The following NTNG1 variants were observed in gnomAD, a reference collection of about 807,000 sequenced individuals.
NTNG1 encodes the protein netrin G1, also known as netrin-G1.
A neutral mutation model predicts 54.0 loss-of-function variants in NTNG1; 16 were observed. That is an observed-to-expected ratio of 0.30 (90% CI 0.20 to 0.45). The LOEUF (loss-of-function observed/expected upper bound fraction) is 0.45. Ranked by LOEUF, NTNG1 falls within the 20% of genes least tolerant of loss-of-function variation. NTNG1 has a pLI of 1.00. For synonymous variants in NTNG1, 255 were observed against 263.1 expected (o/e 0.97, Z 0.30); for missense variants, 530 against 678.7 (o/e 0.78, Z 2.43).
Position 107,360,044 on chromosome 1 carries a change from G to A in NTNG1, c.888-35110G>A, listed in dbSNP as rs182890847. Among the ~76,000 whole-genome samples the A allele has an allele frequency of 1.8e-4, 27 of 152,198 alleles. No homozygotes were observed. In the East Asian group the frequency reaches 3.5e-3, roughly 20 times the overall value. ...AAGCCTAAACTGTTCACACATGGTT[G>A]CTGCTCCCGCCACACCCTGTTGTCT... On this transcript the variant is annotated intron_variant, in intron 3 of 7. Transcript: ENST00000370068.
chr1:107,415,282 A>AAG (rs1674119419), intron 5 of NTNG1, among the ~76,000 whole-genome samples: 1 of 152,182 alleles, frequency 6.6e-6, no homozygotes, highest in Admixed American at 6.5e-5. Context: ...CAACAGTCAA[A>AAG]AGGTCCATAG....
At chr1:107,199,485 T>C (rs1658576177) in intron 2 of NTNG1, among the ~76,000 whole-genome samples, 4 of 151,934 alleles carry the variant, frequency 2.6e-5, no homozygotes, top group Admixed American at 2.6e-4. Flanking sequence ...ATTAAAAATA[T>C]GTACTGGATA....
intron 3 of NTNG1, among the ~76,000 whole-genome samples, chr1:107,384,005 C>A (rs1456747601): frequency 6.6e-6 from 1 of 152,130 alleles, no homozygotes; most frequent in Non-Finnish European, 1.5e-5. Flanking sequence ...TTGTGGAGAA[C>A]GGTTGCAATC....
intron 2 of NTNG1, among the ~76,000 whole-genome samples, chr1:107,165,454 A>C (rs1219268658): frequency 6.6e-6 from 1 of 152,182 alleles, no homozygotes; most frequent in Admixed American, 6.5e-5. Context: ...ATTAAAGAGC[A>C]AGTTTTCTTA....
At chr1:107,189,157 G>C (rs1165655735) in intron 2 of NTNG1, among the ~76,000 whole-genome samples, 1 of 151,798 alleles carries the variant, frequency 6.6e-6, no homozygotes, top group Non-Finnish European at 1.5e-5. Context: ...TTCAAGACTA[G>C]CCTGGCCACG....
intron 2 of NTNG1, among the ~76,000 whole-genome samples, chr1:107,310,975 G>C (rs777614965): frequency 1.3e-5 from 2 of 152,064 alleles, no homozygotes; most frequent in African/African-American, 4.8e-5. Context: ...AGCTTATAAT[G>C]AATCAACCTC....
At chr1:107,221,025 G>T (rs1343484840) in intron 2 of NTNG1, among the ~76,000 whole-genome samples, 1 of 151,870 alleles carries the variant, frequency 6.6e-6, no homozygotes, top group Non-Finnish European at 1.5e-5. Context: ...TCTAAGCCTG[G>T]CAAACTTTGT....
At chr1:107,343,733 C>T (rs1669060943) in intron 3 of NTNG1, among the ~76,000 whole-genome samples, 1 of 152,054 alleles carries the variant, frequency 6.6e-6, no homozygotes, top group Non-Finnish European at 1.5e-5. Flanking sequence ...GCAATAGAGG[C>T]TTTTTATTTG....
intron 5 of NTNG1, among the ~76,000 whole-genome samples, chr1:107,414,704 G>A (rs560767994): frequency 1.4e-3 from 216 of 152,176 alleles, no homozygotes; most frequent in Non-Finnish European, 1.9e-3. Context: ...AACAGCAACC[G>A]CAAATAGAAT....
chr1:107,164,958 G>C (rs1394048435), intron 2 of NTNG1, among the ~76,000 whole-genome samples: 1 of 152,092 alleles, frequency 6.6e-6, no homozygotes, highest in Non-Finnish European at 1.5e-5. Flanking sequence ...GGGTTGGACC[G>C]CACAGTCTAA....
At chr1:107,358,794 T>C (rs1167606945) in intron 3 of NTNG1, among the ~76,000 whole-genome samples, 1 of 152,180 alleles carries the variant, frequency 6.6e-6, no homozygotes, top group Non-Finnish European at 1.5e-5. Context: ...CACCCTGCTG[T>C]GAGGACAGCT....
In NTNG1 at chr1:107,479,474, C is replaced by A. The variant is rs532611306; in HGVS notation, c.1391-1137C>A. On this transcript the variant is annotated intron_variant, in intron 7 of 7. Transcript: ENST00000370068. Reference sequence around the variant, plus strand: ...TGTGGCATCCCTGGGGAAATTTCACCATGACATTTTTAAAAATGGAAAATG... The same window carrying A: ...TGTGGCATCCCTGGGGAAATTTCACAATGACATTTTTAAAAATGGAAAATG... Among the ~76,000 whole-genome samples the A allele has an allele frequency of 3.1e-3, 445 of 144,682 alleles. 4 individuals carry two copies. Among genetic ancestry groups the A allele is most frequent in the African/African-American group, 0.012 (430 of 37,338 alleles). 94.9% of individuals were successfully genotyped at this position (144,682 alleles called of 152,430 possible). A position where few individuals can be genotyped will look rare whatever the true frequency, so the allele number is the denominator to read the frequency against.
chr1:107,352,700 A>G (rs147491615), intron 3 of NTNG1, among the ~76,000 whole-genome samples: 111 of 152,374 alleles, frequency 7.3e-4, no homozygotes, highest in African/African-American at 2.4e-3. Flanking sequence ...AATAAGCTTT[A>G]AGGTGTGGAT....
At chr1:107,464,752 C>CGGAAGG (rs1677497206) in intron 7 of NTNG1, among the ~76,000 whole-genome samples, 1 of 152,148 alleles carries the variant, frequency 6.6e-6, no homozygotes, top group Admixed American at 6.5e-5. Flanking sequence ...AATCTGCCTT[C>CGGAAGG]CACCCTCCTG....
intron 4 of NTNG1, among the ~76,000 whole-genome samples, chr1:107,401,714 T>G (rs571019368): frequency 5.3e-5 from 8 of 151,190 alleles, no homozygotes; most frequent in Admixed American, 3.3e-4. Context: ...ATTTGAGGGC[T>G]GAATAATAAA....
chr1:107,392,359 G>A (rs543227608), intron 3 of NTNG1, among the ~76,000 whole-genome samples: 9 of 152,116 alleles, frequency 5.9e-5, no homozygotes, highest in South Asian at 2.1e-4. Context: ...TTTGTAATGC[G>A]AAGGAAGTTA....
intron 2 of NTNG1, among the ~76,000 whole-genome samples, chr1:107,203,181 T>C (rs187676404): frequency 6.6e-6 from 1 of 151,868 alleles, no homozygotes. Flanking sequence ...GTTCTTTAAT[T>C]CTTTCAGTCA....
chr1:107,155,629 G>C (rs1477440935), intron 2 of NTNG1, among the ~76,000 whole-genome samples: 1 of 152,018 alleles, frequency 6.6e-6, no homozygotes, highest in African/African-American at 2.4e-5. Flanking sequence ...TCTTTAAGTG[G>C]GATGATATGT....
chr1:107,234,886 G>A (rs796091626), intron 2 of NTNG1, among the ~76,000 whole-genome samples: 1 of 152,282 alleles, frequency 6.6e-6, no homozygotes, highest in African/African-American at 2.4e-5. Flanking sequence ...CATGGAACAA[G>A]GGGACAGGAT....
Sources: allele counts gnomAD v4.1 joint callset (sites outside exome capture counted in the v4.1 genomes callset), GRCh38; gene constraint gnomAD v4.1.1; transcripts MANE v1.5; gene names NCBI Gene and HGNC (gene_info 2026-07-23, HGNC 2026-07-21).